The following ZNF521 variants were observed in gnomAD, a reference collection of about 807,000 sequenced individuals.
ZNF521 encodes LYST-interacting protein 3.
In ZNF521, 14 loss-of-function variants were observed where a neutral mutation model predicts 105.5. That is an observed-to-expected ratio of 0.13 (90% CI 0.09 to 0.21). The LOEUF (loss-of-function observed/expected upper bound fraction) is 0.21, where lower values mean the gene tolerates loss of function less well. ZNF521 is among the 10% of genes least tolerant of loss of function. The probability of loss-of-function intolerance (pLI) is 1.00; values close to 1 mark genes in which losing one functional copy is unlikely to be tolerated. For missense variants in ZNF521, 1,233 were observed against 1,629.7 expected (o/e 0.76, Z 4.19); for synonymous variants, 635 against 606.0 (o/e 1.05, Z -0.70).
chr18:25,278,082 A>G (rs1910146726), intron 3 of ZNF521, among the ~76,000 whole-genome samples: 1 of 152,218 alleles, frequency 6.6e-6, no homozygotes, highest in Admixed American at 6.5e-5. Context: ...TTTTAAGTCA[A>G]TAATGCAATA....
At chr18:25,136,050 T>G (rs1296900590) in intron 5 of ZNF521, among the ~76,000 whole-genome samples, 4 of 152,140 alleles carry the variant, frequency 2.6e-5, no homozygotes, top group African/African-American at 9.6e-5. Flanking sequence ...TTCCCCTTTT[T>G]CCCTTCACAT....
intron 5 of ZNF521, among the ~76,000 whole-genome samples, chr18:25,100,983 TG>T (rs2033955262): frequency 6.6e-6 from 1 of 152,224 alleles, no homozygotes; most frequent in Admixed American, 6.5e-5. Flanking sequence ...CATTCTGGCC[TG>T]GCTGTTCTGT....
intron 3 of ZNF521, among the ~76,000 whole-genome samples, chr18:25,278,737 CTT>C: frequency 8.4e-6 from 1 of 118,896 alleles, no homozygotes; most frequent in Middle Eastern, 4.3e-3. Flanking sequence ...TTTTCCTCCT[CTT>C]GTTTAAAAAA....
Position 25,226,367 on chromosome 18 carries a change from A to C in ZNF521, c.1551T>G (p.His517Gln). ...AGTCAGTGAGAAACCCCATATAGCA[A>C]TGGGGACAAAAGAATGCATTACTAT... ...AKDSNAFFCP[H>Q]CYMGFLTDSS... Residue 517 changes from histidine (H) to glutamine (Q), a missense_variant, in exon 4 of 8, where the codon CAT (histidine) becomes CAG (glutamine). By Grantham distance (24) the His-to-Gln change is conservative. Transcript: ENST00000361524. The surrounding 1 kb of genome is among the most constrained non-coding windows in gnomAD (Gnocchi z 4.1). 1 of 1,614,170 alleles carries C rather than the reference A, an allele frequency of 6.2e-7. No homozygotes were observed. The highest frequency in any genetic ancestry group is 8.5e-7 in the Non-Finnish European group (1 of 1,180,020).
At chr18:25,103,331 C>A (rs1425696937) in intron 5 of ZNF521, among the ~76,000 whole-genome samples, 1 of 152,128 alleles carries the variant, frequency 6.6e-6, no homozygotes. Context: ...CCTGTGGAGG[C>A]TGGGCTTGAG....
intron 3 of ZNF521, among the ~76,000 whole-genome samples, chr18:25,253,015 C>G (rs1908225063): frequency 6.6e-6 from 1 of 152,136 alleles, no homozygotes. Flanking sequence ...TACTACCATT[C>G]AACTGAGAAT....
At chr18:25,167,529 G>A (rs1040550417) in intron 5 of ZNF521, among the ~76,000 whole-genome samples, 3 of 152,084 alleles carry the variant, frequency 2.0e-5, no homozygotes, top group Admixed American at 1.3e-4. Flanking sequence ...CTTATTTTTG[G>A]ACAAAGGTGG....
At chr18:25,146,663 T>A (rs1392970177) in intron 5 of ZNF521, among the ~76,000 whole-genome samples, 18 of 152,114 alleles carry the variant, frequency 1.2e-4, no homozygotes. Context: ...TTCTTTAGGG[T>A]CTATGAAAAT....
At chr18:25,216,629 G>C (rs752927762) in intron 4 of ZNF521, among the ~76,000 whole-genome samples, 3 of 152,158 alleles carry the variant, frequency 2.0e-5, no homozygotes, top group Non-Finnish European at 4.4e-5. Context: ...TGCTATCACT[G>C]CTCACTGCAG....
At chr18:25,131,270 C>G (rs1182439006) in intron 5 of ZNF521, among the ~76,000 whole-genome samples, 1 of 152,110 alleles carries the variant, frequency 6.6e-6, no homozygotes, top group South Asian at 2.1e-4. Flanking sequence ...ACTTAAAGTC[C>G]TTGGCATGGC....
intron 5 of ZNF521, among the ~76,000 whole-genome samples, chr18:25,099,607 C>G (rs11083110): frequency 0.37 from 56,824 of 152,046 alleles, 11,325 homozygotes; most frequent in South Asian, 0.55. Context: ...AGAGAAGTCT[C>G]TATACCGTAC....
intron 4 of ZNF521, among the ~76,000 whole-genome samples, chr18:25,203,245 G>T (rs1184095780): frequency 6.6e-6 from 1 of 152,156 alleles, no homozygotes; most frequent in African/African-American, 2.4e-5. Flanking sequence ...AATATGGTCT[G>T]GAAGAGTTAG....
At position 25,118,488 on chromosome 18, in the gene ZNF521, C is replaced by T. The variant is rs552203699; in HGVS notation, c.3659-26407G>A. Among the ~76,000 whole-genome samples the T allele has an allele frequency of 1.2e-4, 18 of 151,966 alleles. No homozygotes were observed. In the South Asian group the frequency reaches 3.7e-3, roughly 32 times the overall value. On this transcript the variant is annotated intron_variant, in intron 5 of 7. Coordinates refer to ENST00000361524, the MANE Select transcript of ZNF521 (RefSeq NM_015461.3). Reference sequence around the variant, plus strand: ...GTTTATTACCTATGTAGACATAATACATATGAAATCTATATCACAGATTGA... The same window carrying T: ...GTTTATTACCTATGTAGACATAATATATATGAAATCTATATCACAGATTGA...
In ZNF521 at chr18:25,199,012, T is replaced by A. The variant is rs117607578; in HGVS notation, c.3574-3768A>T. ...AGAATGGAAATGACGTGACATTGTG[T>A]ACCTCTTAATGAGTTGCAATATGAA... On this transcript the variant is annotated intron_variant, in intron 4 of 7. Transcript: ENST00000361524. Among the ~76,000 whole-genome samples the A allele has an allele frequency of 5.3e-5, 8 of 152,102 alleles. No homozygotes were observed. The East Asian group carries it at 1.5e-3, about 29-fold the overall frequency.
At chr18:25,110,740 T>G (rs975924532) in intron 5 of ZNF521, among the ~76,000 whole-genome samples, 1 of 152,068 alleles carries the variant, frequency 6.6e-6, no homozygotes, top group Non-Finnish European at 1.5e-5. Flanking sequence ...CTGTATTTAT[T>G]TCTATCTAAA....
intron 2 of ZNF521, among the ~76,000 whole-genome samples, chr18:25,347,432 G>C (rs1039274845): frequency 1.3e-5 from 2 of 152,166 alleles, no homozygotes; most frequent in African/African-American, 4.8e-5. Flanking sequence ...GAGGGGTAAA[G>C]GAGTTCCATG....
intron 5 of ZNF521, among the ~76,000 whole-genome samples, chr18:25,137,418 C>T (rs901969489): frequency 6.6e-6 from 1 of 152,146 alleles, no homozygotes; most frequent in Admixed American, 6.6e-5. Flanking sequence ...GCTCTTGTTT[C>T]TTTGGCGGAT....
chr18:25,113,761 G>GACACAC (rs10667710), intron 5 of ZNF521, among the ~76,000 whole-genome samples: 18,689 of 101,842 alleles, frequency 0.18, 1,740 homozygotes, highest in Middle Eastern at 0.22. Context: ...AGGACGGACG[G>GACACAC]ACACACACAC....
intron 5 of ZNF521, among the ~76,000 whole-genome samples, chr18:25,125,033 A>G (rs2034513095): frequency 6.6e-6 from 1 of 152,164 alleles, no homozygotes; most frequent in African/African-American, 2.4e-5. Flanking sequence ...AGTGATTTCA[A>G]TTAGTTGATA....
Sources: allele counts gnomAD v4.1 joint callset (sites outside exome capture counted in the v4.1 genomes callset), GRCh38; gene constraint gnomAD v4.1.1; non-coding constraint Gnocchi (gnomAD v3.1); transcripts MANE v1.5; gene names NCBI Gene and HGNC (gene_info 2026-07-23, HGNC 2026-07-21).